Variants in SENP6 observed in about 807,000 individuals in gnomAD.
The protein encoded by SENP6 is sentrin-specific protease 6.
A neutral mutation model predicts 134.5 loss-of-function variants in SENP6; 41 were observed. That is an observed-to-expected ratio of 0.30 (90% CI 0.24 to 0.40). SENP6 has a LOEUF of 0.40. SENP6 is among the 10% of genes least tolerant of loss of function. The pLI is 1.00. For missense variants in SENP6, 1,248 were observed against 1,312.5 expected (o/e 0.95, Z 0.76); for synonymous variants, 395 against 429.8 (o/e 0.92, Z 1.00).
chr6:75,640,667 CT>C lies in SENP6; in HGVS notation c.459-12del. ...AGGTCTTGCCTCTTATATTTTTTTT[CT>C]TTTTCATGTTTTAAGCAGTCTGGAC... On this transcript the variant is annotated splice_polypyrimidine_tract_variant and intron_variant, in intron 5 of 23. Transcript: ENST00000447266. 1 of 1,506,420 alleles carries C rather than the reference CT, an allele frequency of 6.6e-7. No homozygotes were observed. The highest frequency in any genetic ancestry group is 8.9e-7 in the Non-Finnish European group (1 of 1,121,606). The allele number at this position is 1,506,420 out of a possible 1,614,324, so 93.3% of individuals were successfully genotyped here.
chr6:75,634,664 AT>A, intron 4 of SENP6, 42 bp from the exon 5 acceptor site: 1 of 1,148,222 alleles, frequency 8.7e-7, no homozygotes, highest in South Asian at 1.4e-5. Flanking sequence ...TGTGTATATA[AT>A]TTTTCCGTGT....
intron 1 of SENP6, chr6:75,610,991 G>C (rs1767404547): frequency 6.6e-6 from 1 of 152,176 alleles, no homozygotes; most frequent in Non-Finnish European, 1.5e-5. Context: ...ATAAAGAGTG[G>C]ACGACGAGGA....
rs201663177 is a variant in SENP6 at position 75,605,396 on chromosome 6, CT to C, written c.52+2828del. ...GTAATAAACTGTGAAAAAGTAATGA[CT>C]TTTTTTTCACCATCATATTTCTTGC... On this transcript the variant is annotated intron_variant, in intron 1 of 23. Coordinates refer to ENST00000447266, the MANE Select transcript of SENP6 (RefSeq NM_015571.4). Among the ~76,000 whole-genome samples the C allele has an allele frequency of 9.7e-3, 1,482 of 152,116 alleles. 5 individuals are homozygous for C. The highest frequency in any genetic ancestry group is 0.015 in the Non-Finnish European group (995 of 67,986).
chr6:75,622,631 A>G (rs1768361635), intron 2 of SENP6: 1 of 400,682 alleles, frequency 2.5e-6, no homozygotes, highest in Non-Finnish European at 4.6e-6. Flanking sequence ...CTGCTGGCCA[A>G]AATAAACAAC....
intron 16 of SENP6, among the ~76,000 whole-genome samples, chr6:75,683,983 T>G (rs1436142783): frequency 6.6e-6 from 1 of 152,194 alleles, no homozygotes; most frequent in Non-Finnish European, 1.5e-5. Flanking sequence ...TACATTACTT[T>G]GGGCAGTATG....
rs569858943 is a variant in SENP6 at position 75,638,536 on chromosome 6, G to A, written c.459-2148G>A. ...CTCAAGGATAAGAAAAATGAGCATTGATGTGTCTTTGTGTGTGTAGTGTGT... is the reference window on the plus strand; with the variant it reads ...CTCAAGGATAAGAAAAATGAGCATTAATGTGTCTTTGTGTGTGTAGTGTGT... On this transcript the variant is annotated intron_variant, in intron 5 of 23. Coordinates refer to ENST00000447266, the MANE Select transcript of SENP6 (RefSeq NM_015571.4). Among the ~76,000 whole-genome samples, 412 of 120,572 alleles carry A rather than the reference G, an allele frequency of 3.4e-3. 2 individuals carry two copies. Among genetic ancestry groups the A allele is most frequent in the Middle Eastern group, 5.3e-3 (1 of 188 alleles). The allele number at this position is 120,572 out of a possible 152,430, so 79.1% of individuals were successfully genotyped here.
At chr6:75,682,655 G>A (rs1773547021) in intron 16 of SENP6, among the ~76,000 whole-genome samples, 1 of 152,088 alleles carries the variant, frequency 6.6e-6, no homozygotes, top group Non-Finnish European at 1.5e-5. Context: ...AACATGCTGT[G>A]TTTGGTTTTC....
At chr6:75,656,949 AT>A (rs1771387430) in intron 7 of SENP6, among the ~76,000 whole-genome samples, 1 of 152,178 alleles carries the variant, frequency 6.6e-6, no homozygotes. Context: ...TGACATAGAC[AT>A]GATGTTATAG....
intron 9 of SENP6, 71 bp downstream of exon 9, chr6:75,663,589 T>A: frequency 9.2e-7 from 1 of 1,091,598 alleles, no homozygotes; most frequent in Non-Finnish European, 1.3e-6. Context: ...TTACAACCAC[T>A]CTCCCCAACC....
At chr6:75,656,787 CTCTT>C (rs912478421) in intron 7 of SENP6, among the ~76,000 whole-genome samples, 1 of 152,078 alleles carries the variant, frequency 6.6e-6, no homozygotes, top group Admixed American at 6.5e-5. Flanking sequence ...CTTCCTTTTT[CTCTT>C]TCTTTCAGAG....
intron 19 of SENP6, among the ~76,000 whole-genome samples, chr6:75,704,383 G>T (rs1043406795): frequency 2.2e-4 from 34 of 152,172 alleles, no homozygotes; most frequent in African/African-American, 7.0e-4. Flanking sequence ...TCAAGTGGAG[G>T]TACTATGCCT....
At chr6:75,625,754 A>G (rs995326388) in intron 3 of SENP6, among the ~76,000 whole-genome samples, 5 of 152,194 alleles carry the variant, frequency 3.3e-5, no homozygotes, top group Admixed American at 2.6e-4. Flanking sequence ...CTGTAGTCCC[A>G]GCTACGTGGG....
intron 1 of SENP6, among the ~76,000 whole-genome samples, chr6:75,608,960 A>C (rs1178658037): frequency 6.6e-6 from 1 of 152,216 alleles, no homozygotes; most frequent in Non-Finnish European, 1.5e-5. Context: ...TCTAGATATT[A>C]GCTGATTTTG....
In SENP6 at chr6:75,602,374, T is replaced by G; in HGVS notation, c.-151T>G. 1 of 880,034 alleles carries G rather than the reference T, an allele frequency of 1.1e-6. No individual in the cohort carries two copies. The highest frequency in any genetic ancestry group is 1.7e-6 in the Non-Finnish European group (1 of 576,310). 54.5% of individuals were successfully genotyped at this position (880,034 alleles called of 1,614,324 possible). The stretch of plus-strand genomic sequence containing the variant: ...CCTGGCCTGCCTTTGTATAGGCCCG[T>G]CTGAACGTGGGAGCGCAGCCCGCCT... On this transcript the variant is annotated 5_prime_UTR_variant, in exon 1 of 24. Transcript: ENST00000447266.
At chr6:75,711,027 T>C (rs1315940965) in intron 20 of SENP6, among the ~76,000 whole-genome samples, 1 of 152,170 alleles carries the variant, frequency 6.6e-6, no homozygotes, top group Non-Finnish European at 1.5e-5. Flanking sequence ...AGCAGTAATA[T>C]TTGGTGGGAG....
intron 5 of SENP6, among the ~76,000 whole-genome samples, chr6:75,637,476 G>C (rs1392484684): frequency 1.3e-5 from 2 of 152,118 alleles, no homozygotes; most frequent in Non-Finnish European, 2.9e-5. Context: ...TTAAAAGATA[G>C]ATTGTTTATA....
intron 5 of SENP6, among the ~76,000 whole-genome samples, chr6:75,637,937 T>G (rs1448867629): frequency 6.6e-6 from 1 of 152,206 alleles, no homozygotes; most frequent in Non-Finnish European, 1.5e-5. Context: ...CTCCACTCAC[T>G]GCAGCCTCCA....
chr6:75,654,254 A>T (rs896950458), intron 7 of SENP6, among the ~76,000 whole-genome samples: 26 of 152,202 alleles, frequency 1.7e-4, no homozygotes, highest in Non-Finnish European at 2.9e-5. Flanking sequence ...AAAGCAAAAC[A>T]TAAGTAAAGC....
At chr6:75,603,247 C>T (rs919629682) in intron 1 of SENP6, among the ~76,000 whole-genome samples, 1 of 152,118 alleles carries the variant, frequency 6.6e-6, no homozygotes, top group African/African-American at 2.4e-5. Flanking sequence ...TAAACATTTG[C>T]TGTAAGTAGA....
Sources: allele counts gnomAD v4.1 joint callset (sites outside exome capture counted in the v4.1 genomes callset), GRCh38; gene constraint gnomAD v4.1.1; transcripts MANE v1.5; gene names NCBI Gene and HGNC (gene_info 2026-07-23, HGNC 2026-07-21).